Variants in PTPRN2 observed in about 807,000 individuals in gnomAD.
PTPRN2 encodes receptor-type tyrosine-protein phosphatase N2.
In PTPRN2, 74 loss-of-function variants were observed where a neutral mutation model predicts 118.8. That is an observed-to-expected ratio of 0.62 (90% CI 0.52 to 0.76). The LOEUF is 0.76. PTPRN2 is among the 30% of genes least tolerant of loss of function. The pLI is 0.00. For synonymous variants in PTPRN2, 641 were observed against 608.0 expected, an observed-to-expected ratio of 1.05 and a Z score of -0.80; for missense variants, 1,481 against 1,394.4, an observed-to-expected ratio of 1.06 and a Z score of -0.99.
At chr7:158,441,418 A>ATGG (rs1412495052) in intron 2 of PTPRN2, among the ~76,000 whole-genome samples, 85 of 98,930 alleles carry the variant, frequency 8.6e-4, no homozygotes, top group Non-Finnish European at 3.3e-4. Flanking sequence ...AGTGGTGGTG[A>ATGG]TGGTGATAGT....
At chr7:158,523,583 G>A (rs113214814) in intron 1 of PTPRN2, among the ~76,000 whole-genome samples, 2 of 138,646 alleles carry the variant, frequency 1.4e-5, no homozygotes, top group African/African-American at 5.6e-5. Context: ...CTGCCCTGGA[G>A]TGGAGTCATC....
chr7:158,115,225 G>C (rs972330927), intron 9 of PTPRN2, among the ~76,000 whole-genome samples: 2 of 152,124 alleles, frequency 1.3e-5, no homozygotes, highest in Admixed American at 1.3e-4. Flanking sequence ...CCTGGATAAA[G>C]AACAGGTTGG....
rs370944466 is a variant in PTPRN2 at position 157,747,072 on chromosome 7, T to C, written c.1789-64135A>G. Among the ~76,000 whole-genome samples, 145 of 117,348 alleles carry C rather than the reference T, an allele frequency of 1.2e-3. 4 individuals are homozygous for C. The highest frequency in any genetic ancestry group is 8.5e-3 in the Middle Eastern group (2 of 234). 77.0% of individuals were successfully genotyped at this position (117,348 alleles called of 152,430 possible). On this transcript the variant is annotated intron_variant, in intron 12 of 22. Coordinates refer to ENST00000389418, the MANE Select transcript of PTPRN2 (RefSeq NM_002847.5). Reference sequence around the variant, plus strand: ...CCTGAGCTGTGGGGTGTCCGGGTGATTCTGAGGCCTGCATCTCTGAGCTGT... The same window carrying C: ...CCTGAGCTGTGGGGTGTCCGGGTGACTCTGAGGCCTGCATCTCTGAGCTGT...
At chr7:158,057,095 C>G (rs1321806546) in intron 11 of PTPRN2, among the ~76,000 whole-genome samples, 1 of 152,232 alleles carries the variant, frequency 6.6e-6, no homozygotes, top group Admixed American at 6.5e-5. Context: ...TGCCCAGCTC[C>G]CGATTCCGCT....
At chr7:158,227,457 G>C (rs980871760) in intron 3 of PTPRN2, among the ~76,000 whole-genome samples, 27 of 152,314 alleles carry the variant, frequency 1.8e-4, no homozygotes, top group African/African-American at 5.3e-4. Flanking sequence ...TTCAAAATAT[G>C]AACGTGGTCA....
chr7:158,548,701 C>T (rs1223357750), intron 1 of PTPRN2, among the ~76,000 whole-genome samples: 2 of 152,234 alleles, frequency 1.3e-5, no homozygotes, highest in Non-Finnish European at 2.9e-5. Flanking sequence ...CCAAGAACAA[C>T]ACGGGTTCTC....
rs1803578828 is a variant in PTPRN2 at position 157,780,006 on chromosome 7, G to A, written c.1789-97069C>T. Among the ~76,000 whole-genome samples the A allele has an allele frequency of 6.6e-6, 1 of 152,176 alleles. No individual in the cohort carries two copies. The highest frequency in any genetic ancestry group is 1.5e-5 in the Non-Finnish European group (1 of 68,036). On this transcript the variant is annotated intron_variant, in intron 12 of 22. Transcript: ENST00000389418. The surrounding 1 kb of genome is among the most constrained non-coding windows in gnomAD (Gnocchi z 4.5). ...GTTCCCAAGGTCCACAATGTCCATG[G>A]AGAGTAGGATTTTACACACTTATTG...
intron 3 of PTPRN2, among the ~76,000 whole-genome samples, chr7:158,306,500 T>A (rs1222918193): frequency 7.0e-6 from 1 of 143,706 alleles, no homozygotes; most frequent in East Asian, 2.1e-4. Flanking sequence ...CTGAGGCTTG[T>A]TTCTAGGCAT....
intron 2 of PTPRN2, among the ~76,000 whole-genome samples, chr7:158,473,773 G>A (rs1349960430): frequency 6.6e-6 from 1 of 151,672 alleles, no homozygotes; most frequent in Non-Finnish European, 1.5e-5. Context: ...AGATTGGGGG[G>A]AAAAAAACAT....
intron 11 of PTPRN2, among the ~76,000 whole-genome samples, chr7:158,063,689 A>G (rs1052274758): frequency 3.3e-5 from 5 of 152,192 alleles, no homozygotes; most frequent in African/African-American, 7.2e-5. Context: ...CAGAAAGAAG[A>G]AAATCTGAAT....
intron 21 of PTPRN2, among the ~76,000 whole-genome samples, chr7:157,564,729 T>C (rs1259419808): frequency 2.6e-5 from 4 of 152,220 alleles, no homozygotes; most frequent in Admixed American, 6.5e-5. Flanking sequence ...TAAAACCACA[T>C]TGAGATCCAC....
At position 158,438,105 on chromosome 7, in the gene PTPRN2, C is replaced by T. The variant is rs1816703890; in HGVS notation, c.163+51630G>A. ...TTTTTTAAGTTTTTTTGGCCAGGGG[C>T]TGTGGCTCACACCTGTCATCCCAGC... is the stretch of plus-strand genomic sequence containing the variant. On this transcript the variant is annotated intron_variant, in intron 2 of 22. Transcript: ENST00000389418. The surrounding 1 kb of genome is among the most constrained non-coding windows in gnomAD (Gnocchi z 4.7). 6.6e-6 allele frequency among the ~76,000 whole-genome samples: 1 copy of T among 152,150 alleles called. No homozygotes were observed.
intron 10 of PTPRN2, among the ~76,000 whole-genome samples, chr7:158,098,323 G>A (rs1208046647): frequency 1.3e-5 from 2 of 152,246 alleles, no homozygotes; most frequent in Admixed American, 6.5e-5. Flanking sequence ...CCCTGGGGAG[G>A]AGGTGGAGAG....
At chr7:157,751,272 T>C (rs1392188217) in intron 12 of PTPRN2, among the ~76,000 whole-genome samples, 1 of 152,080 alleles carries the variant, frequency 6.6e-6, no homozygotes, top group Non-Finnish European at 1.5e-5. Context: ...CAGGCTCAAT[T>C]CCAGTTTGCG....
intron 12 of PTPRN2, among the ~76,000 whole-genome samples, chr7:157,755,291 C>T (rs1291538669): frequency 1.3e-5 from 2 of 152,198 alleles, no homozygotes; most frequent in Non-Finnish European, 2.9e-5. Flanking sequence ...CCCAGAAACC[C>T]AGTACTGTGC....
Position 158,061,478 on chromosome 7 carries a change from G to A in PTPRN2, c.1723+19820C>T, listed in dbSNP as rs922932886. Among the ~76,000 whole-genome samples, 9 of 151,940 alleles carry A rather than the reference G, an allele frequency of 5.9e-5. No homozygotes were observed. In the South Asian group the frequency reaches 1.4e-3, roughly 24 times the overall value. On this transcript the variant is annotated intron_variant, in intron 11 of 22. Transcript: ENST00000389418. ...GCTCGGCAGAGAAATGGACCGTGCC[G>A]CCAATGCACTCGGCGCTGAACCATC...
At chr7:158,488,495 A>G (rs566712465) in intron 2 of PTPRN2, among the ~76,000 whole-genome samples, 72 of 152,244 alleles carry the variant, frequency 4.7e-4, no homozygotes, top group African/African-American at 1.5e-3. Flanking sequence ...CCCAGCCCCA[A>G]AATTCCATCC....
chr7:157,559,759 T>A (rs1420982988), intron 21 of PTPRN2, among the ~76,000 whole-genome samples: 2 of 152,038 alleles, frequency 1.3e-5, no homozygotes, highest in Non-Finnish European at 2.9e-5. Flanking sequence ...AACAGAAACA[T>A]GTGGACTCAG....
At chr7:157,934,862 G>A (rs1014059034) in intron 11 of PTPRN2, among the ~76,000 whole-genome samples, 11 of 152,204 alleles carry the variant, frequency 7.2e-5, no homozygotes, top group African/African-American at 2.7e-4. Flanking sequence ...AGATTCTCTC[G>A]GGATGGGCTG....
Sources: gnomAD v4.1 joint callset for allele counts (sites outside exome capture counted in the v4.1 genomes callset) on GRCh38, gnomAD v4.1.1 for gene constraint, Gnocchi (gnomAD v3.1) non-coding constraint, MANE v1.5 for transcripts, NCBI Gene and HGNC (gene_info 2026-07-23, HGNC 2026-07-21) for gene names.